PARD3: variants seen among roughly 807,000 people sequenced by gnomAD.
PARD3 encodes the protein partitioning defective 3 homolog.
In PARD3, 75 loss-of-function variants were observed where a neutral mutation model predicts 155.4. The ratio of observed to expected loss-of-function variants is 0.48; its 90% CI spans 0.40 to 0.58. The LOEUF (loss-of-function observed/expected upper bound fraction) is 0.58. PARD3 is among the 20% of genes least tolerant of loss of function. The pLI, the probability that PARD3 is intolerant of heterozygous loss-of-function variation, is 0.00. For missense variants in PARD3, 1,642 were observed against 1,721.7 expected, an observed-to-expected ratio of 0.95 and a Z score of 0.82; for synonymous variants, 576 against 610.5, an observed-to-expected ratio of 0.94 and a Z score of 0.83.
intron 21 of PARD3, among the ~76,000 whole-genome samples, chr10:34,272,765 C>T (rs181789468): frequency 6.6e-6 from 1 of 152,050 alleles, no homozygotes; most frequent in East Asian, 1.9e-4. Context: ...AACAAACAAA[C>T]CCCTGAAACC....
intron 15 of PARD3, chr10:34,346,524 T>C: frequency 7.8e-7 from 1 of 1,289,368 alleles, no homozygotes; most frequent in Non-Finnish European, 1.0e-6. Flanking sequence ...ACTCTCTCTC[T>C]CTCAAGGGGA....
At chr10:34,489,965 G>T (rs917100416) in intron 3 of PARD3, among the ~76,000 whole-genome samples, 2 of 152,116 alleles carry the variant, frequency 1.3e-5, no homozygotes, top group Admixed American at 1.3e-4. Flanking sequence ...AATTAGTGGA[G>T]ATAAAAATCC....
chr10:34,345,699 C>T (rs772122643), intron 15 of PARD3: 89 of 985,260 alleles, frequency 9.0e-5, no homozygotes, highest in Non-Finnish European at 1.0e-4. Flanking sequence ...GGTTCAGAAA[C>T]GGTGTGATTT....
rs142093444 is a variant in PARD3 at position 34,483,338 on chromosome 10, T to A, written c.404-13075A>T. Among the ~76,000 whole-genome samples, 1,154 of 151,702 alleles carry A rather than the reference T, an allele frequency of 7.6e-3. 16 individuals are homozygous for A. Among genetic ancestry groups the A allele is most frequent in the African/African-American group, 0.026 (1,057 of 41,346 alleles). On this transcript the variant is annotated intron_variant, in intron 3 of 24. Transcript: ENST00000374788. ...CTCTACAAAAAATACAAACATTAGC[T>A]AGGCACAGTGGCACGCATCTGTGGT...
At chr10:34,571,637 C>T (rs561837331) in intron 2 of PARD3, among the ~76,000 whole-genome samples, 10 of 152,144 alleles carry the variant, frequency 6.6e-5, no homozygotes, top group South Asian at 4.2e-4. Context: ...ATAAAGCAAA[C>T]GACACACCAA....
At chr10:34,524,607 C>A (rs1282501949) in intron 2 of PARD3, among the ~76,000 whole-genome samples, 1 of 152,196 alleles carries the variant, frequency 6.6e-6, no homozygotes, top group Non-Finnish European at 1.5e-5. Context: ...AGCTAACTGA[C>A]CCACCTGCCA....
At chr10:34,287,009 G>A (rs891369429) in intron 20 of PARD3, among the ~76,000 whole-genome samples, 10 of 152,132 alleles carry the variant, frequency 6.6e-5, no homozygotes, top group African/African-American at 2.2e-4. Context: ...AGGAGTTACC[G>A]TCCAGCAAGA....
At chr10:34,654,114 G>T (rs1038435995) in intron 2 of PARD3, among the ~76,000 whole-genome samples, 4 of 151,624 alleles carry the variant, frequency 2.6e-5, no homozygotes, top group Non-Finnish European at 5.9e-5. Flanking sequence ...GAATGTAATT[G>T]CATGGTTCTA....
intron 2 of PARD3, among the ~76,000 whole-genome samples, chr10:34,590,210 T>C (rs1188182798): frequency 6.6e-6 from 1 of 152,120 alleles, no homozygotes; most frequent in Non-Finnish European, 1.5e-5. Context: ...AATTTAAAAT[T>C]AGTGCTAAAG....
In PARD3 at chr10:34,119,735, G is replaced by C. The variant is rs769589171; in HGVS notation, c.3546C>G (p.Asn1182Lys). Reference sequence around the variant, plus strand: ...GCCCGCTCTGCGTCGCCGGCCGTGCGTTCGGCTGGAAGAGGAAAATACAAG... The same window carrying C: ...GCCCGCTCTGCGTCGCCGGCCGTGCCTTCGGCTGGAAGAGGAAAATACAAG... ...RTYSFEQPWP[N>K]ARPATQSGRH... The change falls in exon 24 of 25, where the codon AAC (asparagine) becomes AAG (lysine). Residue 1182 changes from asparagine to lysine, a missense_variant. Transcript: ENST00000374788. 1 of 1,610,520 alleles carries C rather than the reference G, an allele frequency of 6.2e-7. No individual in the cohort carries two copies.
intron 1 of PARD3, among the ~76,000 whole-genome samples, chr10:34,758,020 T>A (rs1836971601): frequency 6.6e-6 from 1 of 152,230 alleles, no homozygotes; most frequent in African/African-American, 2.4e-5. Context: ...ACTTTGATAC[T>A]CCTAAAAATG....
intron 2 of PARD3, among the ~76,000 whole-genome samples, chr10:34,644,104 G>A (rs2092762503): frequency 6.6e-6 from 1 of 152,112 alleles, no homozygotes; most frequent in Non-Finnish European, 1.5e-5. Flanking sequence ...ACTGGATACT[G>A]AACTCTGAAA....
intron 5 of PARD3, among the ~76,000 whole-genome samples, chr10:34,415,482 T>A (rs919724239): frequency 1.3e-5 from 2 of 152,258 alleles, no homozygotes; most frequent in African/African-American, 4.8e-5. Context: ...TGTATTGTTT[T>A]ACATTCTAGA....
intron 24 of PARD3, among the ~76,000 whole-genome samples, chr10:34,118,582 A>T (rs1946811986): frequency 6.6e-6 from 1 of 152,016 alleles, no homozygotes. Context: ...CTGGGCTCAA[A>T]TGATCTGCCT....
chr10:34,386,282 T>C (rs1234976399), intron 7 of PARD3, among the ~76,000 whole-genome samples: 1 of 152,188 alleles, frequency 6.6e-6, no homozygotes, highest in Non-Finnish European at 1.5e-5. Context: ...AGTTACTTAT[T>C]ATCATTTATT....
chr10:34,573,082 A>C (rs2086562036), intron 2 of PARD3, among the ~76,000 whole-genome samples: 1 of 152,136 alleles, frequency 6.6e-6, no homozygotes, highest in Non-Finnish European at 1.5e-5. Context: ...AAGTCAGGTG[A>C]TGGCTCACAT....
chr10:34,718,189 C>CAT (rs1169593097), intron 1 of PARD3, among the ~76,000 whole-genome samples: 1 of 150,712 alleles, frequency 6.6e-6, no homozygotes. Context: ...GGAGGCAAGC[C>CAT]ATAGGTATAT....
chr10:34,149,722 A>G (rs1948691023), intron 22 of PARD3, among the ~76,000 whole-genome samples: 1 of 152,188 alleles, frequency 6.6e-6, no homozygotes. Flanking sequence ...TTCACAATTT[A>G]TCTATTACAA....
intron 2 of PARD3, among the ~76,000 whole-genome samples, chr10:34,666,976 C>T (rs2133213023): frequency 1.3e-5 from 2 of 151,926 alleles, no homozygotes; most frequent in South Asian, 4.2e-4. Context: ...TGGTATCAGC[C>T]TGGCCAACGT....
Sources: allele counts gnomAD v4.1 joint callset (sites outside exome capture counted in the v4.1 genomes callset), GRCh38; gene constraint gnomAD v4.1.1; transcripts MANE v1.5; gene names NCBI Gene and HGNC (gene_info 2026-07-23, HGNC 2026-07-21).